The following PAK5 variants were observed in gnomAD, a reference collection of about 807,000 sequenced individuals.
PAK5 encodes serine/threonine-protein kinase PAK 5.
A neutral mutation model predicts 65.9 loss-of-function variants in PAK5; 16 were observed. The ratio of observed to expected loss-of-function variants is 0.24; its 90% CI spans 0.16 to 0.37. The LOEUF (loss-of-function observed/expected upper bound fraction) is 0.37. Ranked by LOEUF, PAK5 falls within the 10% of genes least tolerant of loss-of-function variation. The pLI is 1.00. For missense variants in PAK5, 785 were observed against 903.9 expected, an observed-to-expected ratio of 0.87 and a Z score of 1.69; for synonymous variants, 371 against 354.9, an observed-to-expected ratio of 1.05 and a Z score of -0.51.
chr20:9,760,781 C>T (rs891934518), intron 1 of PAK5, among the ~76,000 whole-genome samples: 1 of 149,388 alleles, frequency 6.7e-6, no homozygotes. Flanking sequence ...CAGTGATTCT[C>T]GTGCCTCAGC....
At chr20:9,624,663 AG>A (rs1272264716) in intron 3 of PAK5, among the ~76,000 whole-genome samples, 1 of 151,974 alleles carries the variant, frequency 6.6e-6, no homozygotes, top group Non-Finnish European at 1.5e-5. Flanking sequence ...CTTTGTGGAA[AG>A]GCCCTGGCTC....
chr20:9,802,910 G>GTATATATATATATATATATATATATA (rs57705525), intron 1 of PAK5, among the ~76,000 whole-genome samples: 675 of 46,244 alleles, frequency 0.015, 94 homozygotes, highest in Middle Eastern at 0.054. Context: ...ATATGTATGT[G>GTATATATATATATATATATATATATA]TATATATATA....
At chr20:9,656,874 T>C (rs1022205949) in intron 2 of PAK5, among the ~76,000 whole-genome samples, 1 of 152,214 alleles carries the variant, frequency 6.6e-6, no homozygotes, top group Non-Finnish European at 1.5e-5. Flanking sequence ...CTCTCCATAC[T>C]ATCTTCACAA....
At chr20:9,785,363 G>T (rs1438459634) in intron 1 of PAK5, among the ~76,000 whole-genome samples, 3 of 152,260 alleles carry the variant, frequency 2.0e-5, no homozygotes, top group East Asian at 3.9e-4. Flanking sequence ...GAAACAAAAG[G>T]TTTGGTGATA....
At chr20:9,766,513 TTCA>T (rs2048769236) in intron 1 of PAK5, among the ~76,000 whole-genome samples, 1 of 38,876 alleles carries the variant, frequency 2.6e-5, no homozygotes, top group African/African-American at 2.3e-4. Context: ...TATATATATA[TTCA>T]AGCAGAATAT....
chr20:9,791,097 C>T (rs1191960382), intron 1 of PAK5, among the ~76,000 whole-genome samples: 1 of 152,136 alleles, frequency 6.6e-6, no homozygotes, highest in East Asian at 1.9e-4. Context: ...CGTCATTTCT[C>T]TCACCTTTCT....
chr20:9,768,558 G>T (rs1291956053), intron 1 of PAK5, among the ~76,000 whole-genome samples: 1 of 152,236 alleles, frequency 6.6e-6, no homozygotes. Context: ...CAAGGTGGGT[G>T]GATCACTTGA....
At chr20:9,781,604 T>C (rs2048941111) in intron 1 of PAK5, among the ~76,000 whole-genome samples, 1 of 152,140 alleles carries the variant, frequency 6.6e-6, no homozygotes, top group African/African-American at 2.4e-5. Context: ...TGCCTAAACC[T>C]GAATTCCTGA....
intron 7 of PAK5, among the ~76,000 whole-genome samples, chr20:9,547,624 G>A (rs2045364386): frequency 6.6e-6 from 1 of 152,140 alleles, no homozygotes; most frequent in Admixed American, 6.5e-5. Context: ...CTGAAAGAAG[G>A]GAGTTCCCAG....
At chr20:9,554,424 C>T (rs1015825063) in intron 7 of PAK5, among the ~76,000 whole-genome samples, 5 of 152,186 alleles carry the variant, frequency 3.3e-5, no homozygotes, top group Non-Finnish European at 7.4e-5. Flanking sequence ...GTGGCAGCTC[C>T]AGCTAGCCTG....
chr20:9,808,894 G>C (rs774170539), intron 1 of PAK5, among the ~76,000 whole-genome samples: 104 of 152,032 alleles, frequency 6.8e-4, no homozygotes, highest in Non-Finnish European at 1.3e-3. Flanking sequence ...TAAATCTGTT[G>C]TTTTAAAAAA....
At chr20:9,779,833 C>A (rs933286528) in intron 1 of PAK5, among the ~76,000 whole-genome samples, 1 of 151,992 alleles carries the variant, frequency 6.6e-6, no homozygotes, top group Non-Finnish European at 1.5e-5. Flanking sequence ...ATTAATGCAA[C>A]TTAACCAAGA....
chr20:9,675,044 C>T (rs2047550409), intron 2 of PAK5, among the ~76,000 whole-genome samples: 1 of 152,136 alleles, frequency 6.6e-6, no homozygotes, highest in South Asian at 2.1e-4. Context: ...TGCACAATTC[C>T]TCCTAAATAG....
intron 3 of PAK5, among the ~76,000 whole-genome samples, chr20:9,638,550 A>G (rs1201180078): frequency 6.6e-6 from 1 of 152,258 alleles, no homozygotes; most frequent in Non-Finnish European, 1.5e-5. Flanking sequence ...GACCAGCAGC[A>G]TCAGTACCAC....
rs562431392 is a variant in PAK5, at chr20:9,695,438, G to A, written c.-12+15848C>T. On this transcript the variant is annotated intron_variant, in intron 2 of 9. Transcript: ENST00000353224. ...TTGAAAAAGTCTTTGCTCCCACCAA[G>A]TTCATAAATACATTATCCTGCTTTT... Among the ~76,000 whole-genome samples, 7 of 152,096 alleles carry A rather than the reference G, an allele frequency of 4.6e-5. No individual in the cohort carries two copies. In the South Asian group the frequency reaches 6.2e-4, roughly 14 times the overall value.
At chr20:9,750,271 C>T (rs978332306) in intron 1 of PAK5, among the ~76,000 whole-genome samples, 7 of 151,986 alleles carry the variant, frequency 4.6e-5, no homozygotes, top group Admixed American at 2.0e-4. Context: ...TTCTATTTAA[C>T]ACAACTCTGC....
intron 2 of PAK5, among the ~76,000 whole-genome samples, chr20:9,680,993 C>T (rs1380303250): frequency 6.6e-6 from 1 of 152,132 alleles, no homozygotes; most frequent in Non-Finnish European, 1.5e-5. Context: ...GTTTGTTTAA[C>T]AGTTACCAAG....
At chr20:9,665,970 A>G (rs2047411714) in intron 2 of PAK5, among the ~76,000 whole-genome samples, 1 of 152,108 alleles carries the variant, frequency 6.6e-6, no homozygotes, top group East Asian at 1.9e-4. Flanking sequence ...GGCCCAGGCT[A>G]TTAAGAAAGA....
At chr20:9,676,172 CGT>C (rs1392356598) in intron 2 of PAK5, among the ~76,000 whole-genome samples, 4 of 151,988 alleles carry the variant, frequency 2.6e-5, no homozygotes, top group Non-Finnish European at 4.4e-5. Context: ...CATCAAATCT[CGT>C]GAGACTTACT....
Sources: gnomAD v4.1 joint callset for allele counts (sites outside exome capture counted in the v4.1 genomes callset) on GRCh38, gnomAD v4.1.1 for gene constraint, MANE v1.5 for transcripts, NCBI Gene and HGNC (gene_info 2026-07-23, HGNC 2026-07-21) for gene names.